SLC36A1: variants seen among roughly 807,000 people sequenced by gnomAD.
The protein encoded by SLC36A1 is proton-coupled amino acid transporter 1.
A neutral mutation model predicts 47.5 loss-of-function variants in SLC36A1; 30 were observed. The observed-to-expected ratio is 0.63, with a 90% CI of 0.47 to 0.86. The LOEUF is 0.86. Among genes scored for constraint, SLC36A1 ranks in the 40% least tolerant of loss-of-function variants. The pLI is 0.00. For synonymous variants in SLC36A1, 255 were observed against 249.7 expected (o/e 1.02, Z -0.20); for missense variants, 517 against 606.0 (o/e 0.85, Z 1.54).
At chr5:151,445,143 G>GT (rs147703163), upstream of SLC36A1, among the ~76,000 whole-genome samples, 42 of 151,356 alleles carry the variant, frequency 2.8e-4, no homozygotes, top group Admixed American at 4.6e-4. Context: ...ACTATTGAGA[G>GT]TTTTTTTTTA....
At chr5:151,393,204 A>G in the SLC36A1 span, among the ~76,000 whole-genome samples, 2 of 151,776 alleles carry the variant, frequency 1.3e-5, no homozygotes, top group South Asian at 2.1e-4. Context: ...AGTCTGTTTT[A>G]TCAGAGACTA....
chr5:151,344,880 T>C, the SLC36A1 span, among the ~76,000 whole-genome samples: 2 of 152,038 alleles, frequency 1.3e-5, no homozygotes, highest in African/African-American at 4.8e-5. Flanking sequence ...CAAAAAATCA[T>C]TGTGACTTCT....
chr5:151,429,661 C>G, the SLC36A1 span, among the ~76,000 whole-genome samples: 1 of 152,158 alleles, frequency 6.6e-6, no homozygotes, highest in South Asian at 2.1e-4. Context: ...CAAGGTCACA[C>G]AACTAATATA....
chr5:151,527,033 A>G, the SLC36A1 span, among the ~76,000 whole-genome samples: 1 of 152,232 alleles, frequency 6.6e-6, no homozygotes, highest in Non-Finnish European at 1.5e-5. Context: ...CAAATGAGGT[A>G]ATGGATATGA....
chr5:151,505,715 C>T, the SLC36A1 span: 3 of 1,613,982 alleles, frequency 1.9e-6, no homozygotes, highest in Non-Finnish European at 2.5e-6. Context: ...GGCTGAGGCG[C>T]ATACCCACCC....
At chr5:151,469,250 T>C (rs1757005640) in intron 7 of SLC36A1, 1 of 701,258 alleles carries the variant, frequency 1.4e-6, no homozygotes, top group African/African-American at 1.7e-5. Flanking sequence ...TTCTAGATCC[T>C]GTGAATGGAT....
At chr5:151,389,191 C>T in the SLC36A1 span, among the ~76,000 whole-genome samples, 1 of 152,166 alleles carries the variant, frequency 6.6e-6, no homozygotes, top group African/African-American at 2.4e-5. Flanking sequence ...TCTCCACCTT[C>T]CTGTGCCTGA....
At chr5:151,401,362 C>A in the SLC36A1 span, among the ~76,000 whole-genome samples, 29 of 152,262 alleles carry the variant, frequency 1.9e-4, no homozygotes, top group Admixed American at 1.9e-3. Flanking sequence ...TCTGTGTTCT[C>A]TGTTCTGTTC....
the SLC36A1 span, among the ~76,000 whole-genome samples, chr5:151,403,472 C>T: frequency 6.6e-6 from 1 of 152,122 alleles, no homozygotes; most frequent in Non-Finnish European, 1.5e-5. Flanking sequence ...GTGGCACCTC[C>T]CCCTGCTCCC....
the SLC36A1 span, among the ~76,000 whole-genome samples, chr5:151,427,650 A>G: frequency 2.0e-5 from 3 of 152,066 alleles, no homozygotes; most frequent in African/African-American, 7.2e-5. Flanking sequence ...GGCCATACAT[A>G]CTCACACCCT....
Position 151,476,760 on chromosome 5 carries a change from C to T in SLC36A1, c.989+4C>T, listed in dbSNP as rs775727856. ...CCCTCAACCTGCCCAACTGCTGGTACGTGGAGGGAGGATGGAAACCTAGGA... is the reference window on the plus strand; with the variant it reads ...CCCTCAACCTGCCCAACTGCTGGTATGTGGAGGGAGGATGGAAACCTAGGA... On this transcript the variant is annotated splice_donor_region_variant and intron_variant, in intron 9 of 10. Coordinates refer to ENST00000243389, the MANE Select transcript of SLC36A1 (RefSeq NM_078483.4). The T allele has an allele frequency of 5.7e-5, 92 of 1,609,846 alleles. No individual in the cohort carries two copies. Among genetic ancestry groups the T allele is most frequent in the Non-Finnish European group, 7.5e-5 (88 of 1,177,704 alleles).
Position 151,476,625 on chromosome 5 carries a change from G to T in SLC36A1, c.858G>T (p.Arg286=). The stretch of plus-strand genomic sequence containing the variant: ...TGGAAAACAAAATGAAGGATCCTCG[G>T]AAGTTCCCACTCATCCTGTACCTGG... ...LPLENKMKDP[R]KFPLILYLGM... Residue 286 remains arginine, a synonymous_variant, in exon 9 of 11, where the codon CGG becomes CGT. Coordinates refer to ENST00000243389, the MANE Select transcript of SLC36A1 (RefSeq NM_078483.4). The T allele has an allele frequency of 6.2e-7, 1 of 1,605,778 alleles. No individual in the cohort carries two copies. The highest frequency in any genetic ancestry group is 8.5e-7 in the Non-Finnish European group (1 of 1,176,126).
rs897769292 is a variant in SLC36A1, at chr5:151,490,141, G to A, written c.*1887G>A. 6.6e-6 allele frequency: 1 copy of A among 152,192 alleles called. No homozygotes were observed. Among genetic ancestry groups the A allele is most frequent in the Non-Finnish European group, 1.5e-5 (1 of 68,046 alleles). 9.4% of individuals were successfully genotyped at this position (152,192 alleles called of 1,614,324 possible). On this transcript the variant is annotated 3_prime_UTR_variant, in exon 11 of 11. Coordinates refer to ENST00000243389, the MANE Select transcript of SLC36A1 (RefSeq NM_078483.4). The stretch of plus-strand genomic sequence containing the variant: ...AGGAATATGCTATCATTGTTGACTT[G>A]TTCTTCCTTAGGAGAAGGACGATTT...
the SLC36A1 span, among the ~76,000 whole-genome samples, chr5:151,399,084 A>ATATATATTTTT: frequency 1.0e-4 from 6 of 60,036 alleles, no homozygotes; most frequent in Admixed American, 2.3e-4. Flanking sequence ...ATATATATAT[A>ATATATATTTTT]TTTTTTTTTT....
At chr5:151,542,298 G>T in the SLC36A1 span, 1 of 1,599,934 alleles carries the variant, frequency 6.3e-7, no homozygotes, top group Non-Finnish European at 8.5e-7. Context: ...TGATGTAGCA[G>T]GTGACCTGCC....
At chr5:151,534,311 G>A in the SLC36A1 span, 10,606 of 896,472 alleles carry the variant, frequency 0.012, 81 homozygotes, top group Admixed American at 0.015. Context: ...AGGAGGCACC[G>A]CCCTTACCAG....
At chr5:151,446,879 T>C (rs761054516), upstream of SLC36A1, among the ~76,000 whole-genome samples, 13 of 152,258 alleles carry the variant, frequency 8.5e-5, no homozygotes, top group Non-Finnish European at 1.8e-4. Flanking sequence ...CCTCCTACTA[T>C]TGTGTTGCTA....
upstream of SLC36A1, among the ~76,000 whole-genome samples, chr5:151,446,476 G>C (rs960029760): frequency 3.3e-5 from 5 of 152,118 alleles, no homozygotes; most frequent in African/African-American, 1.2e-4. Flanking sequence ...GTTGCAGTGA[G>C]CCAAGATTGC....
the SLC36A1 span, among the ~76,000 whole-genome samples, chr5:151,534,970 A>ATATATATATATATATATATATATATAT: frequency 1.0e-4 from 11 of 106,400 alleles, no homozygotes; most frequent in South Asian, 3.5e-4. Flanking sequence ...CTTCTAGGAA[A>ATATATATATATATATATATATATATAT]ATATATATAT....
Sources: allele counts gnomAD v4.1 joint callset (sites outside exome capture counted in the v4.1 genomes callset), GRCh38; gene constraint gnomAD v4.1.1; transcripts MANE v1.5; gene names NCBI Gene and HGNC (gene_info 2026-07-23, HGNC 2026-07-21).